Variants in SGPP2 observed in about 807,000 individuals in gnomAD.
The protein encoded by SGPP2 is sphingosine 1-phosphate phosphohydrolase 2.
Under a neutral mutation model 33.9 loss-of-function variants are expected in SGPP2, and 30 were observed. The observed-to-expected ratio is 0.89, with a 90% CI of 0.66 to 1.20. SGPP2 has a LOEUF of 1.20. SGPP2 is among the 50% of genes most tolerant of loss of function. The pLI is 0.00. For missense variants in SGPP2, 458 were observed against 532.1 expected, an observed-to-expected ratio of 0.86 and a Z score of 1.37; for synonymous variants, 233 against 225.0, an observed-to-expected ratio of 1.04 and a Z score of -0.32.
chr2:222,509,320 C>T (rs1386414847), intron 2 of SGPP2, among the ~76,000 whole-genome samples: 1 of 151,966 alleles, frequency 6.6e-6, no homozygotes, highest in African/African-American at 2.4e-5. Context: ...GTCAGAATAT[C>T]ACATGTCCCC....
At chr2:222,528,789 G>C (rs1470537827) in intron 4 of SGPP2, among the ~76,000 whole-genome samples, 2 of 152,026 alleles carry the variant, frequency 1.3e-5, no homozygotes, top group East Asian at 1.9e-4. Context: ...GCTAATTTTT[G>C]TATTTTTATT....
intron 4 of SGPP2, among the ~76,000 whole-genome samples, chr2:222,557,456 T>C (rs995540086): frequency 2.6e-4 from 39 of 152,246 alleles, no homozygotes; most frequent in African/African-American, 9.4e-4. Flanking sequence ...GCAAGAAAAA[T>C]AAATAATGAA....
intron 1 of SGPP2, among the ~76,000 whole-genome samples, chr2:222,427,849 C>G (rs769428639): frequency 8.5e-5 from 13 of 152,212 alleles, no homozygotes; most frequent in Non-Finnish European, 1.5e-4. Context: ...CATTACACCA[C>G]ACGCTGCTAG....
At chr2:222,475,547 A>G (rs1332143951) in intron 2 of SGPP2, among the ~76,000 whole-genome samples, 4 of 152,240 alleles carry the variant, frequency 2.6e-5, no homozygotes, top group African/African-American at 7.2e-5. Context: ...GTGATTATAC[A>G]CATGGGAGAG....
intron 1 of SGPP2, among the ~76,000 whole-genome samples, chr2:222,456,072 C>T (rs1396133511): frequency 1.3e-5 from 2 of 152,110 alleles, no homozygotes; most frequent in African/African-American, 4.8e-5. Context: ...GAGCAAGACC[C>T]TGTCTCTAAA....
intron 1 of SGPP2, among the ~76,000 whole-genome samples, chr2:222,426,133 G>C (rs1230364003): frequency 7.0e-6 from 1 of 143,226 alleles, no homozygotes; most frequent in Non-Finnish European, 1.5e-5. Context: ...CAGGAGAATA[G>C]CTTGAGGCGG....
chr2:222,510,310 G>A (rs1477979813), intron 2 of SGPP2, among the ~76,000 whole-genome samples: 1 of 152,196 alleles, frequency 6.6e-6, no homozygotes, highest in Non-Finnish European at 1.5e-5. Flanking sequence ...GAGAAAAAAA[G>A]GGAATGAGAT....
intron 2 of SGPP2, among the ~76,000 whole-genome samples, chr2:222,492,341 G>C (rs1311772839): frequency 6.6e-6 from 1 of 152,232 alleles, no homozygotes; most frequent in Non-Finnish European, 1.5e-5. Flanking sequence ...CTAAAATCTA[G>C]ATGGGTGTTC....
rs191722308 is a variant in SGPP2 at position 222,424,939 on chromosome 2, C to A, written c.219+118C>A. On this transcript the variant is annotated intron_variant, in intron 1 of 4. Transcript: ENST00000321276. ...GAGAGGGCGCCGTCCCCGGCAGTGACCCGGCTCCCGCCGCTGCGAGCGGAC... is the reference window on the plus strand; with the variant it reads ...GAGAGGGCGCCGTCCCCGGCAGTGAACCGGCTCCCGCCGCTGCGAGCGGAC... 2.8e-4 allele frequency: 223 copies of A among 807,856 alleles called. No individual in the cohort carries two copies. The African/African-American group carries it at 2.9e-3, about 11-fold the overall frequency. The allele number at this position is 807,856 out of a possible 1,614,324, so 50.0% of individuals were successfully genotyped here. A position where few individuals can be genotyped will look rare whatever the true frequency, so the allele number is the denominator to read the frequency against.
chr2:222,501,504 A>G (rs990245819), intron 2 of SGPP2, among the ~76,000 whole-genome samples: 3 of 152,098 alleles, frequency 2.0e-5, no homozygotes, highest in African/African-American at 7.2e-5. Flanking sequence ...CTCTGACCAA[A>G]TGTGTAAGGA....
intron 1 of SGPP2, among the ~76,000 whole-genome samples, chr2:222,441,607 T>C (rs1257756615): frequency 2.0e-5 from 3 of 152,328 alleles, no homozygotes; most frequent in East Asian, 1.9e-4. Context: ...GGATTGTTCT[T>C]GGGCACAGAG....
At position 222,474,596 on chromosome 2, in the gene SGPP2, A is replaced by T; in HGVS notation, c.248A>T (p.Asn83Ile). 1 of 1,614,054 alleles carries T rather than the reference A, an allele frequency of 6.2e-7. No individual in the cohort carries two copies. Among genetic ancestry groups the T allele is most frequent in the Non-Finnish European group, 8.5e-7 (1 of 1,179,996 alleles). The change falls in exon 2 of 5, where the codon AAT (asparagine) becomes ATT (isoleucine). Residue 83 changes from asparagine to isoleucine, a missense_variant. Asn to Ile is a moderately radical substitution (Grantham distance 149). Transcript: ENST00000321276. ...TATGTACAGAAGTACGTCGTGAAGA[A>T]TTATTTCTACTATTACCTATTCCAA... ...EAYVQKYVVK[N>I]YFYYYLFQFS...
At chr2:222,492,503 GGCA>G (rs535073845) in intron 2 of SGPP2, among the ~76,000 whole-genome samples, 147 of 152,336 alleles carry the variant, frequency 9.6e-4, no homozygotes, top group African/African-American at 3.4e-3. Flanking sequence ...GGGGACACAG[GGCA>G]CCAAATCCTG....
chr2:222,432,698 G>A (rs1482304954), intron 1 of SGPP2, among the ~76,000 whole-genome samples: 2 of 152,172 alleles, frequency 1.3e-5, no homozygotes, highest in African/African-American at 4.8e-5. Context: ...GAACTCAGAA[G>A]CCAGAGGTGG....
Position 222,465,700 on chromosome 2 carries a change from C to T in SGPP2, c.220-8868C>T, listed in dbSNP as rs995359889. The stretch of plus-strand genomic sequence containing the variant: ...GTTGTGCTCCCATTTAAAACCCTCC[C>T]ATGGCTTTCTGCTCCTTCCAGCCTC... On this transcript the variant is annotated intron_variant, in intron 1 of 4. Transcript: ENST00000321276. The surrounding 1 kb of genome is among the most constrained non-coding windows in gnomAD (Gnocchi z 4.1). Among the ~76,000 whole-genome samples, 4 of 152,244 alleles carry T rather than the reference C, an allele frequency of 2.6e-5. No homozygotes were observed. Among genetic ancestry groups the T allele is most frequent in the East Asian group, 3.8e-4 (2 of 5,200 alleles).
At position 222,474,731 on chromosome 2, in the gene SGPP2, G is replaced by A. The variant is rs1697903584; in HGVS notation, c.378+5G>A. The A allele has an allele frequency of 6.2e-7, 1 of 1,604,748 alleles. No individual in the cohort carries two copies. Among genetic ancestry groups the A allele is most frequent in the Non-Finnish European group, 8.5e-7 (1 of 1,173,662 alleles). On this transcript the variant is annotated splice_donor_5th_base_variant and intron_variant, in intron 2 of 4. Coordinates refer to ENST00000321276, the MANE Select transcript of SGPP2 (RefSeq NM_152386.4). Reference sequence around the variant, plus strand: ...AGATTGATCATCATATGGGTTGTAAGTATTATTACTACTCATTAACTGATG... The same window carrying A: ...AGATTGATCATCATATGGGTTGTAAATATTATTACTACTCATTAACTGATG...
At chr2:222,523,804 TTGAG>T (rs750982424) in intron 3 of SGPP2, among the ~76,000 whole-genome samples, 1 of 152,136 alleles carries the variant, frequency 6.6e-6, no homozygotes, top group Non-Finnish European at 1.5e-5. Context: ...AAAATGTGTG[TTGAG>T]GCTGCTGCCC....
At chr2:222,484,966 G>T (rs1698082889) in intron 2 of SGPP2, among the ~76,000 whole-genome samples, 1 of 151,996 alleles carries the variant, frequency 6.6e-6, no homozygotes, top group South Asian at 2.1e-4. Flanking sequence ...AATTGTTATG[G>T]TTCTCATGGA....
intron 4 of SGPP2, among the ~76,000 whole-genome samples, chr2:222,538,998 T>C (rs1327176864): frequency 6.6e-6 from 1 of 152,124 alleles, no homozygotes; most frequent in African/African-American, 2.4e-5. Context: ...AAATCTCATG[T>C]CCTTCTCACA....
Sources: gnomAD v4.1 joint callset for allele counts (sites outside exome capture counted in the v4.1 genomes callset) on GRCh38, gnomAD v4.1.1 for gene constraint, Gnocchi (gnomAD v3.1) non-coding constraint, MANE v1.5 for transcripts, NCBI Gene and HGNC (gene_info 2026-07-23, HGNC 2026-07-21) for gene names.